Variants in NCKAP5 observed in about 807,000 individuals in gnomAD.
The protein encoded by NCKAP5 is nck-associated protein 5.
In NCKAP5, 92 loss-of-function variants were observed where a neutral mutation model predicts 167.0. The ratio of observed to expected loss-of-function variants is 0.55; its 90% CI spans 0.47 to 0.66. NCKAP5 has a LOEUF of 0.66. Among genes scored for constraint, NCKAP5 ranks in the 30% least tolerant of loss-of-function variants. NCKAP5 has a pLI of 0.00. For synonymous variants in NCKAP5, 891 were observed against 877.4 expected (o/e 1.02, Z -0.27); for missense variants, 2,378 against 2,315.0 (o/e 1.03, Z -0.56).
At chr2:133,262,910 C>T (rs899327438) in intron 4 of NCKAP5, among the ~76,000 whole-genome samples, 16 of 152,172 alleles carry the variant, frequency 1.1e-4, no homozygotes, top group Non-Finnish European at 4.4e-5. Context: ...AGAAGACTGA[C>T]ACCCCTGAGC....
At chr2:132,900,233 G>A (rs1360020653) in intron 8 of NCKAP5, among the ~76,000 whole-genome samples, 1 of 152,180 alleles carries the variant, frequency 6.6e-6, no homozygotes, top group Non-Finnish European at 1.5e-5. Context: ...ATAAAAATGT[G>A]AAAAGGAGAC....
At chr2:133,522,042 C>G (rs1334824178) in intron 2 of NCKAP5, among the ~76,000 whole-genome samples, 1 of 152,160 alleles carries the variant, frequency 6.6e-6, no homozygotes, top group Non-Finnish European at 1.5e-5. Context: ...TGTGCATGTA[C>G]AGATGCAAAC....
chr2:133,003,321 C>G (rs1358910426), intron 6 of NCKAP5, among the ~76,000 whole-genome samples: 5 of 152,188 alleles, frequency 3.3e-5, no homozygotes, highest in Non-Finnish European at 5.9e-5. Context: ...ATCCTACCTT[C>G]CCATTTTAAT....
At chr2:132,773,685 G>T in intron 16 of NCKAP5, 131 bp downstream of exon 16, 1 of 718,200 alleles carries the variant, frequency 1.4e-6, no homozygotes, top group South Asian at 2.1e-5. Context: ...GGAGATAATG[G>T]CAACCATGTG....
intron 8 of NCKAP5, among the ~76,000 whole-genome samples, chr2:132,934,399 C>T (rs1696682841): frequency 6.6e-6 from 1 of 152,086 alleles, no homozygotes; most frequent in Admixed American, 6.5e-5. Context: ...AGGGTGAAAC[C>T]CCATCTCTAC....
chr2:133,515,365 C>T (rs1232810452), intron 3 of NCKAP5, among the ~76,000 whole-genome samples: 1 of 152,172 alleles, frequency 6.6e-6, no homozygotes, highest in African/African-American at 2.4e-5. Flanking sequence ...CCCCCCTACA[C>T]ACTGTGATAG....
intron 3 of NCKAP5, among the ~76,000 whole-genome samples, chr2:133,476,743 A>G (rs928609890): frequency 5.3e-5 from 8 of 152,218 alleles, no homozygotes; most frequent in African/African-American, 1.9e-4. Context: ...TTCTCGTGGA[A>G]TAGGCTTCAT....
At chr2:132,865,745 C>T (rs58734142) in intron 10 of NCKAP5, among the ~76,000 whole-genome samples, 3,493 of 152,210 alleles carry the variant, frequency 0.023, 139 homozygotes, top group African/African-American at 0.079. Context: ...TGGGTCAGAG[C>T]GTGGGGTTTA....
rs376672128 is a variant in NCKAP5 at position 132,844,972 on chromosome 2, CTT to C, written c.807+15518_807+15519del. Among the ~76,000 whole-genome samples the C allele has an allele frequency of 5.4e-3, 829 of 152,114 alleles. 2 individuals are homozygous for C. Among genetic ancestry groups the C allele is most frequent in the Middle Eastern group, 0.041 (12 of 294 alleles). On this transcript the variant is annotated intron_variant, in intron 11 of 19. Coordinates refer to ENST00000409261, the MANE Select transcript of NCKAP5 (RefSeq NM_207363.3). ...GGTACTTCAAAATGTATTATAAAGT[CTT>C]ATATATTATCATCACACTTTTATTT...
intron 10 of NCKAP5, 70 bp downstream of exon 10, chr2:132,868,866 G>A (rs1455247548): frequency 8.6e-7 from 1 of 1,165,430 alleles, no homozygotes; most frequent in African/African-American, 1.6e-5. Flanking sequence ...CAATTTCCTA[G>A]CTTAACAACA....
At chr2:133,500,702 T>G (rs1306164176) in intron 3 of NCKAP5, among the ~76,000 whole-genome samples, 21 of 152,300 alleles carry the variant, frequency 1.4e-4, no homozygotes, top group African/African-American at 4.8e-4. Context: ...TTTAAGCAAA[T>G]ATCTCATTTT....
chr2:133,342,215 A>G (rs1260109256), intron 3 of NCKAP5, among the ~76,000 whole-genome samples: 1 of 152,114 alleles, frequency 6.6e-6, no homozygotes, highest in African/African-American at 2.4e-5. Context: ...GGATCTAAAC[A>G]TTCTTTAGGG....
chr2:133,473,350 T>C (rs1270439455), intron 3 of NCKAP5, among the ~76,000 whole-genome samples: 4 of 152,030 alleles, frequency 2.6e-5, no homozygotes, highest in African/African-American at 9.7e-5. Context: ...AAAAATTAAT[T>C]AATTTAGCTT....
At chr2:133,319,525 A>G (rs1369539542) in intron 3 of NCKAP5, among the ~76,000 whole-genome samples, 1 of 152,054 alleles carries the variant, frequency 6.6e-6, no homozygotes, top group African/African-American at 2.4e-5. Flanking sequence ...TGGACTATGC[A>G]CTATTTGGGA....
At chr2:133,055,697 A>T (rs2079775456) in intron 6 of NCKAP5, among the ~76,000 whole-genome samples, 1 of 152,138 alleles carries the variant, frequency 6.6e-6, no homozygotes, top group South Asian at 2.1e-4. Context: ...CATTTGTTGC[A>T]TTATTTGATC....
chr2:133,273,876 C>A (rs1428349228), intron 4 of NCKAP5, among the ~76,000 whole-genome samples: 4 of 148,126 alleles, frequency 2.7e-5, no homozygotes, highest in Admixed American at 6.8e-5. Flanking sequence ...TAATAACATT[C>A]AACACTTATT....
the NCKAP5 span, among the ~76,000 whole-genome samples, chr2:133,649,239 G>T: frequency 6.7e-6 from 1 of 150,200 alleles, no homozygotes; most frequent in South Asian, 2.1e-4. Flanking sequence ...GAGTGAATCA[G>T]TAATCACAAT....
intron 3 of NCKAP5, among the ~76,000 whole-genome samples, chr2:133,494,020 G>C (rs1252855519): frequency 6.6e-6 from 1 of 151,802 alleles, no homozygotes; most frequent in African/African-American, 2.4e-5. Context: ...GTTTGGGTTT[G>C]TGAGAAAAAG....
chr2:133,656,272 CAA>C, the NCKAP5 span, among the ~76,000 whole-genome samples: 1,569 of 140,480 alleles, frequency 0.011, 11 homozygotes, highest in Non-Finnish European at 0.019. Flanking sequence ...AACAAACAAA[CAA>C]AAAAAAAAAA....
Sources: gnomAD v4.1 joint callset for allele counts (sites outside exome capture counted in the v4.1 genomes callset) on GRCh38, gnomAD v4.1.1 for gene constraint, MANE v1.5 for transcripts, NCBI Gene and HGNC (gene_info 2026-07-23, HGNC 2026-07-21) for gene names.